NBAS: variants seen among roughly 807,000 people sequenced by gnomAD.
NBAS encodes the protein NAG/BC035112 fusion.
In NBAS, 219 loss-of-function variants were observed where a neutral mutation model predicts 302.5. That is an observed-to-expected ratio of 0.72 (90% CI 0.65 to 0.81). The LOEUF (loss-of-function observed/expected upper bound fraction) is 0.81, where lower values mean the gene tolerates loss of function less well. Ranked by LOEUF, NBAS falls within the 30% of genes least tolerant of loss-of-function variation. The pLI, the probability that NBAS is intolerant of heterozygous loss-of-function variation, is 0.00. For missense variants in NBAS, 2,932 were observed against 2,841.6 expected (o/e 1.03, Z -0.72); for synonymous variants, 1,118 against 1,021.6 (o/e 1.09, Z -1.80).
chr2:15,323,887 C>T (rs61553148), intron 38 of NBAS, among the ~76,000 whole-genome samples: 2 of 147,060 alleles, frequency 1.4e-5, no homozygotes, highest in Non-Finnish European at 3.0e-5. Flanking sequence ...CAAAAAAACC[C>T]GGGCCCAACT....
intron 6 of NBAS, among the ~76,000 whole-genome samples, chr2:15,540,177 C>T (rs561286945): frequency 6.6e-6 from 1 of 152,232 alleles, no homozygotes; most frequent in East Asian, 1.9e-4. Context: ...AAGTGTTCTT[C>T]CTTTCCCAAC....
At chr2:15,507,230 T>A (rs1299053968) in intron 10 of NBAS, among the ~76,000 whole-genome samples, 1 of 152,228 alleles carries the variant, frequency 6.6e-6, no homozygotes. Flanking sequence ...GGACAGTTCC[T>A]CTGTCTGAAC....
At chr2:15,373,834 C>T (rs1225751875) in intron 31 of NBAS, among the ~76,000 whole-genome samples, 1 of 152,126 alleles carries the variant, frequency 6.6e-6, no homozygotes, top group Non-Finnish European at 1.5e-5. Flanking sequence ...GACTTAAGAA[C>T]AGAGATAACA....
At chr2:15,080,072 C>T in the NBAS span, among the ~76,000 whole-genome samples, 1 of 152,150 alleles carries the variant, frequency 6.6e-6, no homozygotes, top group South Asian at 2.1e-4. Context: ...ACAAGCCCCA[C>T]CCTCATCCCA....
At position 15,351,991 on chromosome 2, in the gene NBAS, C is replaced by A. The variant is rs1164369327; in HGVS notation, c.4179+1G>T. On this transcript the variant is annotated splice_donor_variant, in intron 35 of 51. Transcript: ENST00000281513. LOFTEE classifies it high-confidence loss of function. ...AACTCCGCTCCCTCATTTTAACTTACCTCTTGTACTGCTTTACTAGTTAAT... is the reference window on the plus strand; with the variant it reads ...AACTCCGCTCCCTCATTTTAACTTAACTCTTGTACTGCTTTACTAGTTAAT... 1.2e-6 allele frequency: 2 copies of A among 1,604,402 alleles called. No homozygotes were observed. The highest frequency in any genetic ancestry group is 2.7e-5 in the African/African-American group (2 of 74,622).
At chr2:14,941,875 A>T in the NBAS span, among the ~76,000 whole-genome samples, 1 of 152,100 alleles carries the variant, frequency 6.6e-6, no homozygotes, top group African/African-American at 2.4e-5. Flanking sequence ...CATAATACCC[A>T]CAGAGAAAGA....
chr2:14,999,841 G>A, the NBAS span, among the ~76,000 whole-genome samples: 7 of 152,054 alleles, frequency 4.6e-5, no homozygotes, highest in African/African-American at 1.7e-4. Context: ...AATATTTACC[G>A]CCTATGTGCT....
intron 45 of NBAS, among the ~76,000 whole-genome samples, chr2:15,235,164 A>G (rs904880001): frequency 9.2e-5 from 14 of 152,214 alleles, no homozygotes; most frequent in African/African-American, 3.4e-4. Context: ...ATTGAGCTAT[A>G]ACTATGTAAT....
intron 48 of NBAS, 115 bp downstream of exon 48, chr2:15,218,658 C>G: frequency 7.3e-7 from 1 of 1,361,552 alleles, no homozygotes; most frequent in South Asian, 1.2e-5. Context: ...GAACTCCTGG[C>G]CTCAGGTGAT....
the NBAS span, among the ~76,000 whole-genome samples, chr2:14,984,775 C>T: frequency 6.6e-6 from 1 of 152,142 alleles, no homozygotes; most frequent in Non-Finnish European, 1.5e-5. Flanking sequence ...TAGTCATGAA[C>T]ATCATGTGAA....
At chr2:14,983,183 T>A in the NBAS span, among the ~76,000 whole-genome samples, 9 of 152,222 alleles carry the variant, frequency 5.9e-5, no homozygotes, top group Non-Finnish European at 1.2e-4. Context: ...TTAAATGAGT[T>A]CGGATGTATA....
the NBAS span, among the ~76,000 whole-genome samples, chr2:14,838,942 G>C: frequency 5.9e-5 from 9 of 151,994 alleles, no homozygotes; most frequent in Non-Finnish European, 1.0e-4. Flanking sequence ...AGTTTCAGCA[G>C]AGAAGAAAGA....
In NBAS at chr2:15,540,480, T is replaced by G. The variant is rs74709660; in HGVS notation, c.380-1124A>C. ...CCTTCCTCCATACTATCAGACGATA[T>G]CTTTCTAAAATAACAAGATAAACAG... is the stretch of plus-strand genomic sequence containing the variant. On this transcript the variant is annotated intron_variant, in intron 6 of 51. Transcript: ENST00000281513. 4.9e-3 allele frequency among the ~76,000 whole-genome samples: 741 copies of G among 152,106 alleles called. 8 individuals are homozygous for G. The highest frequency in any genetic ancestry group is 0.016 in the African/African-American group (677 of 41,488).
intron 21 of NBAS, among the ~76,000 whole-genome samples, chr2:15,431,813 T>G (rs1047426082): frequency 5.9e-5 from 9 of 152,084 alleles, no homozygotes; most frequent in African/African-American, 1.9e-4. Context: ...ACTAACTGGA[T>G]AGTTGGATAT....
At chr2:14,822,858 C>T in the NBAS span, among the ~76,000 whole-genome samples, 2 of 152,176 alleles carry the variant, frequency 1.3e-5, no homozygotes, top group Non-Finnish European at 2.9e-5. Flanking sequence ...TATTGAAAAT[C>T]TGTGCACCAG....
Position 15,402,233 on chromosome 2 carries a change from A to G in NBAS, c.3006T>C (p.Cys1002=), listed in dbSNP as rs752709015. The change falls in exon 26 of 52, where the codon TGT becomes TGC. Residue 1002 remains cysteine (C), a synonymous_variant. Coordinates refer to ENST00000281513, the MANE Select transcript of NBAS (RefSeq NM_015909.4). The part of the protein sequence containing the change: ...MAIALECIYT[C]ERNDQLCLCY... Reference sequence around the variant, plus strand: ...AAAGACAGAGTTGATCATTTCGTTCACAGGTATAGATGCACTCTAGTGCTA... The same window carrying G: ...AAAGACAGAGTTGATCATTTCGTTCGCAGGTATAGATGCACTCTAGTGCTA... 1.9e-6 allele frequency: 3 copies of G among 1,613,652 alleles called. No individual in the cohort carries two copies. Among genetic ancestry groups the G allele is most frequent in the Non-Finnish European group, 1.7e-6 (2 of 1,179,688 alleles).
chr2:15,514,320 CAA>C (rs1462470577), intron 9 of NBAS, among the ~76,000 whole-genome samples: 1 of 152,014 alleles, frequency 6.6e-6, no homozygotes, highest in Non-Finnish European at 1.5e-5. Flanking sequence ...ATTTATTTCT[CAA>C]AAGTCCATTT....
chr2:15,353,218 C>A (rs1354357308), intron 34 of NBAS, among the ~76,000 whole-genome samples: 1 of 152,142 alleles, frequency 6.6e-6, no homozygotes, highest in African/African-American at 2.4e-5. Flanking sequence ...CTGGCTTTAA[C>A]CCATATGATT....
the NBAS span, among the ~76,000 whole-genome samples, chr2:15,098,980 CACACACACATATAT>C: frequency 6.6e-6 from 1 of 151,632 alleles, no homozygotes; most frequent in Non-Finnish European, 1.5e-5. Context: ...TATATACACA[CACACACACATATAT>C]ACACACACAT....
Sources: gnomAD v4.1 joint callset for allele counts (sites outside exome capture counted in the v4.1 genomes callset) on GRCh38, gnomAD v4.1.1 for gene constraint, MANE v1.5 for transcripts, NCBI Gene and HGNC (gene_info 2026-07-23, HGNC 2026-07-21) for gene names.